Variants in RBFOX2 observed in about 807,000 individuals in gnomAD.
RBFOX2 encodes the protein RNA binding fox-1 homolog 2.
In RBFOX2, 10 loss-of-function variants were observed where a neutral mutation model predicts 49.1. That is an observed-to-expected ratio of 0.20 (90% CI 0.13 to 0.35). The LOEUF (loss-of-function observed/expected upper bound fraction) is 0.35. RBFOX2 is among the 10% of genes least tolerant of loss of function. RBFOX2 has a pLI of 1.00. For synonymous variants in RBFOX2, 183 were observed against 187.4 expected (o/e 0.98, Z 0.19); for missense variants, 323 against 486.9 (o/e 0.66, Z 3.17).
intron 2 of RBFOX2, among the ~76,000 whole-genome samples, chr22:35,784,426 TG>T (rs1444517702): frequency 6.6e-6 from 1 of 152,224 alleles, no homozygotes; most frequent in Non-Finnish European, 1.5e-5. Context: ...TTAACCTCCC[TG>T]CCCTCCTGGC....
chr22:35,846,592 CA>C (rs549635667), intron 1 of RBFOX2, among the ~76,000 whole-genome samples: 242 of 139,848 alleles, frequency 1.7e-3, no homozygotes, highest in Admixed American at 1.9e-3. Flanking sequence ...ATTAAAAATA[CA>C]AAAAAAAAAA....
At chr22:35,750,443 G>C in intron 9 of RBFOX2, 5 of 1,603,394 alleles carry the variant, frequency 3.1e-6, no homozygotes, top group Non-Finnish European at 4.3e-6. Flanking sequence ...ATCTGAAGCA[G>C]TTTGCAGATT....
At chr22:35,891,683 GT>G (rs1281011198) in intron 1 of RBFOX2, among the ~76,000 whole-genome samples, 3 of 152,176 alleles carry the variant, frequency 2.0e-5, no homozygotes, top group Non-Finnish European at 4.4e-5. Context: ...GGTAATTTAA[GT>G]AAGTGGTCTA....
At chr22:35,936,178 C>G (rs2053043152) in intron 1 of RBFOX2, among the ~76,000 whole-genome samples, 1 of 148,450 alleles carries the variant, frequency 6.7e-6, no homozygotes, top group Non-Finnish European at 1.5e-5. Flanking sequence ...TGCCACTGCA[C>G]TCCAGTATGG....
At chr22:35,969,722 A>T (rs781354472) in intron 1 of RBFOX2, among the ~76,000 whole-genome samples, 1 of 152,258 alleles carries the variant, frequency 6.6e-6, no homozygotes, top group Non-Finnish European at 1.5e-5. Context: ...GACAATAAAA[A>T]TAAGTTTAAA....
chr22:36,005,808 C>T lies in RBFOX2; in HGVS notation c.186+22432G>A, dbSNP rs187981555. 3.9e-5 allele frequency among the ~76,000 whole-genome samples: 6 copies of T among 152,300 alleles called. No individual in the cohort carries two copies. In the East Asian group the frequency reaches 5.8e-4, roughly 15 times the overall value. On this transcript the variant is annotated intron_variant, in intron 1 of 13. Coordinates refer to the RBFOX2 transcript ENST00000438146. ...AAGTAGAGCCAATCGTTTCTCATAA[C>T]GTGTTCTAAACTTTTTTCTTGACCT...
At chr22:35,748,454 TAAAC>T (rs1933639480) in intron 9 of RBFOX2, 1 of 152,038 alleles carries the variant, frequency 6.6e-6, no homozygotes, top group Non-Finnish European at 1.5e-5. Flanking sequence ...ACAACATAAT[TAAAC>T]TAACTAAAGT....
Position 35,874,703 on chromosome 22 carries a change from T to C in RBFOX2, c.-34+64144A>G, listed in dbSNP as rs2044792956. ...GGCCTAATGAGGTTAAGTAATTTCC[T>C]TGAGTTTGCACAGCTACATAGTAGC... is the stretch of plus-strand genomic sequence containing the variant. On this transcript the variant is annotated intron_variant, in intron 1 of 13. Coordinates refer to the RBFOX2 transcript ENST00000359369. 2.6e-5 allele frequency among the ~76,000 whole-genome samples: 4 copies of C among 152,214 alleles called. No individual in the cohort carries two copies. The South Asian group carries it at 6.2e-4, about 24-fold the overall frequency.
At chr22:35,789,986 T>C (rs1947279338) in intron 2 of RBFOX2, among the ~76,000 whole-genome samples, 1 of 152,182 alleles carries the variant, frequency 6.6e-6, no homozygotes, top group South Asian at 2.1e-4. Flanking sequence ...GTAAGCAATT[T>C]GTTCTTTAAG....
chr22:35,758,679 A>C (rs991678637), intron 9 of RBFOX2, among the ~76,000 whole-genome samples: 5 of 152,230 alleles, frequency 3.3e-5, no homozygotes, highest in African/African-American at 9.6e-5. Context: ...AAATGTCTAC[A>C]AACTCCAAAC....
chr22:35,901,469 T>C (rs984708627), intron 1 of RBFOX2, among the ~76,000 whole-genome samples: 1 of 151,612 alleles, frequency 6.6e-6, no homozygotes. Context: ...GGCAACATAG[T>C]AAAACTCTCA....
At chr22:35,780,435 A>G (rs780501447) in intron 3 of RBFOX2, among the ~76,000 whole-genome samples, 19 of 152,326 alleles carry the variant, frequency 1.2e-4, no homozygotes, top group East Asian at 1.9e-4. Context: ...TCAAAAAGCA[A>G]TAACAAGCAG....
upstream of RBFOX2, among the ~76,000 whole-genome samples, chr22:35,843,135 G>A (rs539095399): frequency 6.6e-6 from 1 of 152,318 alleles, no homozygotes; most frequent in East Asian, 1.9e-4. Context: ...GAGCAATTGA[G>A]CAGCCTGGGT....
chr22:35,927,202 T>C (rs2051750396), intron 1 of RBFOX2, among the ~76,000 whole-genome samples: 1 of 152,206 alleles, frequency 6.6e-6, no homozygotes, highest in African/African-American at 2.4e-5. Context: ...AGGATCTTAA[T>C]GGATACTTAG....
At chr22:35,866,716 G>A (rs1702134909) in intron 1 of RBFOX2, among the ~76,000 whole-genome samples, 1 of 151,968 alleles carries the variant, frequency 6.6e-6, no homozygotes. Flanking sequence ...ACAAAAAAAA[G>A]CCCCCAGTGA....
rs560978562 is a variant in RBFOX2 at position 35,804,966 on chromosome 22, T to C, written c.252+4814A>G. On this transcript the variant is annotated intron_variant, in intron 2 of 11. Coordinates refer to ENST00000405409, the Ensembl canonical transcript of RBFOX2. The stretch of plus-strand genomic sequence containing the variant: ...ATATACAAAGAATTCTAAAATCTAA[T>C]AATAAGAAAACAAACAACCTGATTA... Among the ~76,000 whole-genome samples the C allele has an allele frequency of 1.4e-4, 22 of 152,178 alleles. No individual in the cohort carries two copies. In the South Asian group the frequency reaches 2.3e-3, roughly 16 times the overall value.
At chr22:36,016,465 A>G (rs754100092) in intron 1 of RBFOX2, among the ~76,000 whole-genome samples, 6 of 152,152 alleles carry the variant, frequency 3.9e-5, no homozygotes, top group Admixed American at 6.5e-5. Context: ...ACAAAAATCA[A>G]TGCAGCCAGA....
At chr22:35,825,585 A>T (rs541042348) in intron 1 of RBFOX2, among the ~76,000 whole-genome samples, 1 of 152,338 alleles carries the variant, frequency 6.6e-6, no homozygotes, top group East Asian at 1.9e-4. Context: ...TGAATGTACT[A>T]TTTGTGTGAC....
chr22:35,874,477 G>A (rs2044760516), intron 1 of RBFOX2, among the ~76,000 whole-genome samples: 1 of 151,856 alleles, frequency 6.6e-6, no homozygotes, highest in Non-Finnish European at 1.5e-5. Context: ...TAAAGGAACA[G>A]AATGAAAGAA....
Sources: allele counts gnomAD v4.1 joint callset (sites outside exome capture counted in the v4.1 genomes callset), GRCh38; gene constraint gnomAD v4.1.1; transcripts MANE v1.5; gene names NCBI Gene and HGNC (gene_info 2026-07-23, HGNC 2026-07-21).